The following AUTS2 variants were observed in gnomAD, a reference collection of about 807,000 sequenced individuals.
AUTS2 encodes autism susceptibility gene 2 protein.
A neutral mutation model predicts 112.4 loss-of-function variants in AUTS2; 17 were observed. The observed-to-expected ratio is 0.15, with a 90% CI of 0.10 to 0.23. AUTS2 has a LOEUF of 0.23. Ranked by LOEUF, AUTS2 falls within the 10% of genes least tolerant of loss-of-function variation. AUTS2 has a pLI of 1.00. For synonymous variants in AUTS2, 751 were observed against 702.7 expected (o/e 1.07, Z -1.09); for missense variants, 1,510 against 1,701.6 (o/e 0.89, Z 1.98).
intron 5 of AUTS2, among the ~76,000 whole-genome samples, chr7:70,521,541 C>A (rs1799645805): frequency 1.3e-5 from 2 of 152,154 alleles, no homozygotes; most frequent in Non-Finnish European, 2.9e-5. Context: ...TTTTTAGTTT[C>A]TGTCAAAATG....
At chr7:70,031,075 A>ATC (rs1800756616) in intron 2 of AUTS2, among the ~76,000 whole-genome samples, 1 of 152,174 alleles carries the variant, frequency 6.6e-6, no homozygotes, top group African/African-American at 2.4e-5. Context: ...GTAAGGGAAA[A>ATC]GAGACCATTA....
chr7:70,686,395 C>G (rs1414437798), intron 5 of AUTS2, among the ~76,000 whole-genome samples: 1 of 152,162 alleles, frequency 6.6e-6, no homozygotes, highest in Admixed American at 6.5e-5. Context: ...CACCATCACA[C>G]AGTAAGTGGG....
At chr7:70,270,316 A>C (rs1299520377) in intron 4 of AUTS2, among the ~76,000 whole-genome samples, 1 of 152,212 alleles carries the variant, frequency 6.6e-6, no homozygotes, top group East Asian at 1.9e-4. Flanking sequence ...GAGGGTGTGG[A>C]GTTAGTATTG....
intron 1 of AUTS2, among the ~76,000 whole-genome samples, chr7:69,640,773 T>C (rs1487445207): frequency 1.3e-5 from 2 of 152,128 alleles, no homozygotes; most frequent in Non-Finnish European, 2.9e-5. Context: ...CTTTGATTTG[T>C]AAAATAAAAA....
At chr7:69,993,076 C>T (rs543350154) in intron 2 of AUTS2, among the ~76,000 whole-genome samples, 1 of 152,298 alleles carries the variant, frequency 6.6e-6, no homozygotes, top group Non-Finnish European at 1.5e-5. Flanking sequence ...TTGGTACTTT[C>T]AGCGGTCTGT....
chr7:70,249,886 T>G (rs985674343), intron 4 of AUTS2, among the ~76,000 whole-genome samples: 14 of 127,262 alleles, frequency 1.1e-4, no homozygotes, highest in Middle Eastern at 3.7e-3. Flanking sequence ...ATATTTTAAG[T>G]AAAATATTAA....
At chr7:69,689,664 ATTT>A (rs1265947129) in intron 1 of AUTS2, among the ~76,000 whole-genome samples, 2 of 131,494 alleles carry the variant, frequency 1.5e-5, no homozygotes, top group East Asian at 4.5e-4. Context: ...TTATTTATTT[ATTT>A]ATTTATTTAT....
At chr7:70,161,347 T>C (rs892183032) in intron 4 of AUTS2, among the ~76,000 whole-genome samples, 1 of 151,966 alleles carries the variant, frequency 6.6e-6, no homozygotes, top group Non-Finnish European at 1.5e-5. Flanking sequence ...CTTTATTCTA[T>C]GTTAAATATG....
At chr7:70,118,257 A>T (rs1168031164) in intron 3 of AUTS2, 24 bp downstream of exon 3, 1 of 1,556,706 alleles carries the variant, frequency 6.4e-7, no homozygotes, top group African/African-American at 1.4e-5. Context: ...AAAAAAAAAA[A>T]AAAAAAAAAA....
intron 2 of AUTS2, among the ~76,000 whole-genome samples, chr7:70,070,887 A>C (rs541302560): frequency 1.2e-3 from 183 of 151,998 alleles, no homozygotes; most frequent in African/African-American, 4.1e-3. Context: ...GAAAAAAAAA[A>C]AAAAAAGAAA....
chr7:69,640,688 T>C (rs1045138031), intron 1 of AUTS2, among the ~76,000 whole-genome samples: 1 of 152,250 alleles, frequency 6.6e-6, no homozygotes, highest in East Asian at 1.9e-4. Flanking sequence ...TAACCCAGCA[T>C]TTTTGAAATT....
chr7:70,498,580 G>C (rs1223222634), intron 5 of AUTS2, among the ~76,000 whole-genome samples: 1 of 152,136 alleles, frequency 6.6e-6, no homozygotes, highest in East Asian at 1.9e-4. Flanking sequence ...ACTAGGTGGG[G>C]GGTTGGTGGG....
At chr7:70,271,130 C>T (rs1787674130) in intron 4 of AUTS2, among the ~76,000 whole-genome samples, 1 of 152,122 alleles carries the variant, frequency 6.6e-6, no homozygotes, top group Non-Finnish European at 1.5e-5. Context: ...GCTTACCTTA[C>T]AGCAGTTAAG....
chr7:69,925,775 C>T (rs1015505043), intron 2 of AUTS2, among the ~76,000 whole-genome samples: 1 of 152,190 alleles, frequency 6.6e-6, no homozygotes, highest in Non-Finnish European at 1.5e-5. Flanking sequence ...CCTCCTTGGC[C>T]TCCCAAAGTG....
chr7:69,892,170 A>C (rs1584401696), intron 1 of AUTS2, among the ~76,000 whole-genome samples: 1 of 125,272 alleles, frequency 8.0e-6, no homozygotes, highest in African/African-American at 3.0e-5. Context: ...AGTTTTGAGA[A>C]TTTTTTTTTT....
intron 4 of AUTS2, among the ~76,000 whole-genome samples, chr7:70,326,676 C>T (rs2129618516): frequency 6.6e-6 from 1 of 152,244 alleles, no homozygotes; most frequent in Middle Eastern, 3.4e-3. Context: ...ATGGTCACTT[C>T]TAAGAGATCA....
intron 4 of AUTS2, among the ~76,000 whole-genome samples, chr7:70,340,941 G>T (rs980910614): frequency 2.0e-5 from 3 of 152,144 alleles, no homozygotes; most frequent in Non-Finnish European, 4.4e-5. Flanking sequence ...TGTCCATGTG[G>T]TCTTAATATG....
chr7:69,724,153 C>A (rs757852703), intron 1 of AUTS2, among the ~76,000 whole-genome samples: 1 of 152,170 alleles, frequency 6.6e-6, no homozygotes, highest in Non-Finnish European at 1.5e-5. Context: ...TTTGCCCTGT[C>A]ACCAACATAT....
Position 69,931,824 on chromosome 7 carries a change from A to G in AUTS2, c.522+32326A>G, listed in dbSNP as rs545332046. Among the ~76,000 whole-genome samples, 50 of 152,302 alleles carry G rather than the reference A, an allele frequency of 3.3e-4. 1 individual carries two copies. Among genetic ancestry groups the G allele is most frequent in the African/African-American group, 1.2e-3 (49 of 41,558 alleles). On this transcript the variant is annotated intron_variant, in intron 2 of 18. Coordinates refer to ENST00000342771, the MANE Select transcript of AUTS2 (RefSeq NM_015570.4). ...ACTGCATAAAGGGCTCTTCAAGATAAAAGACTACCCCGCTTGTCAGGCAGC... is the reference window on the plus strand; with the variant it reads ...ACTGCATAAAGGGCTCTTCAAGATAGAAGACTACCCCGCTTGTCAGGCAGC...
Sources: gnomAD v4.1 joint callset for allele counts (sites outside exome capture counted in the v4.1 genomes callset) on GRCh38, gnomAD v4.1.1 for gene constraint, MANE v1.5 for transcripts, NCBI Gene and HGNC (gene_info 2026-07-23, HGNC 2026-07-21) for gene names.